Variants in ZDHHC11B observed in about 807,000 individuals in gnomAD.
ZDHHC11B encodes the protein probable palmitoyltransferase ZDHHC11B.
ZDHHC11B carries 17 observed loss-of-function variants against 42.3 expected under a neutral mutation model. That is an observed-to-expected ratio of 0.40 (90% CI 0.27 to 0.60). The LOEUF is 0.60. Ranked by LOEUF, ZDHHC11B falls within the 20% of genes least tolerant of loss-of-function variation. The pLI is 0.41. For synonymous variants in ZDHHC11B, 123 were observed against 193.5 expected, an observed-to-expected ratio of 0.64 and a Z score of 3.02; for missense variants, 262 against 463.2, an observed-to-expected ratio of 0.57 and a Z score of 3.99.
At chr5:760,127 A>T (rs1453866237) in intron 4 of ZDHHC11B, among the ~76,000 whole-genome samples, 1 of 151,798 alleles carries the variant, frequency 6.6e-6, no homozygotes, top group Admixed American at 6.6e-5. Flanking sequence ...GCTCAGAGGC[A>T]CGCGTGGCCG....
At chr5:747,091 A>C (rs1744932451) in intron 8 of ZDHHC11B, among the ~76,000 whole-genome samples, 1 of 91,694 alleles carries the variant, frequency 1.1e-5, no homozygotes, top group Non-Finnish European at 2.3e-5. Context: ...TTGCTAGATA[A>C]TTCTAGAAAG....
intron 4 of ZDHHC11B, among the ~76,000 whole-genome samples, chr5:766,424 G>C (rs1405956641): frequency 1.3e-5 from 2 of 151,904 alleles, no homozygotes; most frequent in Non-Finnish European, 2.9e-5. Context: ...TGTGGGAGCG[G>C]TCTGACATAG....
rs1415199357 is a variant in ZDHHC11B, at chr5:783,869, C to T, written c.-230+799G>A. 4.8e-5 allele frequency among the ~76,000 whole-genome samples: 7 copies of T among 145,204 alleles called. 1 individual carries two copies. The highest frequency in any genetic ancestry group is 1.1e-4 in the Non-Finnish European group (7 of 66,054). ...AAAACAGCAGCCCCCCAAGCCCCAT[C>T]AAGACAGCAGCCCCCCTAAACGCTT... On this transcript the variant is annotated intron_variant, in intron 1 of 13. Coordinates refer to ENST00000508859, the MANE Select transcript of ZDHHC11B (RefSeq NM_001351303.2).
intron 12 of ZDHHC11B, among the ~76,000 whole-genome samples, chr5:724,634 C>T (rs1742433300): frequency 1.5e-5 from 2 of 136,296 alleles, no homozygotes; most frequent in Admixed American, 7.8e-5. Flanking sequence ...CTCGGCCTCC[C>T]CACATGCTCC....
At chr5:778,417 C>A (rs1289341197) in intron 1 of ZDHHC11B, among the ~76,000 whole-genome samples, 2 of 150,382 alleles carry the variant, frequency 1.3e-5, no homozygotes, top group Non-Finnish European at 3.0e-5. Context: ...AAGGGAGGCA[C>A]AATGGGTTAC....
chr5:774,134 C>A (rs1326540592), intron 1 of ZDHHC11B, among the ~76,000 whole-genome samples: 1 of 152,134 alleles, frequency 6.6e-6, no homozygotes, highest in South Asian at 2.1e-4. Flanking sequence ...GGCCCCAACC[C>A]CACAGGCTGT....
In ZDHHC11B at chr5:722,370, A is replaced by G. The variant is rs1336259765; in HGVS notation, c.1059-5505T>C. On this transcript the variant is annotated intron_variant, in intron 12 of 13. Transcript: ENST00000508859. ...ATAAATCAATAAGAAAAGCACAAAG[A>G]GTCCAGTGGAAAAATGGACTAGGGA... Among the ~76,000 whole-genome samples, 2 of 151,646 alleles carry G rather than the reference A, an allele frequency of 1.3e-5. 1 individual carries two copies. Among genetic ancestry groups the G allele is most frequent in the Non-Finnish European group, 2.9e-5 (2 of 67,970 alleles).
At chr5:776,489 G>GA (rs1358177856) in intron 1 of ZDHHC11B, among the ~76,000 whole-genome samples, 2 of 151,934 alleles carry the variant, frequency 1.3e-5, no homozygotes, top group Non-Finnish European at 2.9e-5. Context: ...GGGCTGAGGG[G>GA]AAAGTCTCCA....
intron 11 of ZDHHC11B, among the ~76,000 whole-genome samples, 184 bp from the exon 12 acceptor site, chr5:730,652 A>T (rs1183635930): frequency 6.6e-6 from 1 of 151,744 alleles, no homozygotes; most frequent in African/African-American, 2.4e-5. Flanking sequence ...TCCTTGTATT[A>T]TGGGCTGAAC....
At chr5:714,840 G>A (rs1741628749) in intron 13 of ZDHHC11B, among the ~76,000 whole-genome samples, 1 of 150,782 alleles carries the variant, frequency 6.6e-6, no homozygotes, top group Non-Finnish European at 1.5e-5. Context: ...GTGTCATGGG[G>A]CTGGACCCCC....
intron 6 of ZDHHC11B, among the ~76,000 whole-genome samples, chr5:754,541 A>T (rs1329268694): frequency 9.4e-6 from 1 of 105,848 alleles, no homozygotes; most frequent in African/African-American, 3.3e-5. Context: ...CCTCTCGTCT[A>T]TGAGCCTCCA....
intron 4 of ZDHHC11B, among the ~76,000 whole-genome samples, chr5:756,371 C>G (rs1254241230): frequency 6.6e-6 from 1 of 151,626 alleles, no homozygotes; most frequent in Non-Finnish European, 1.5e-5. Flanking sequence ...CAGCCCTGCT[C>G]ACCCAGCCCC....
rs1267838781 is a variant in ZDHHC11B, at chr5:710,740, C to T, written c.*1550G>A. The T allele has an allele frequency of 6.6e-6, 1 of 151,020 alleles. No individual in the cohort carries two copies. The highest frequency in any genetic ancestry group is 2.5e-5 in the African/African-American group (1 of 39,884). 9.4% of individuals were successfully genotyped at this position (151,020 alleles called of 1,614,324 possible). A position where few individuals can be genotyped will look rare whatever the true frequency, so the allele number is the denominator to read the frequency against. ...TTCCCAGTACTGTGCTCCCATTTCC[C>T]AATGCTATGCTCCATTTCCCAGTGC... On this transcript the variant is annotated 3_prime_UTR_variant, in exon 14 of 14. Coordinates refer to ENST00000508859, the MANE Select transcript of ZDHHC11B (RefSeq NM_001351303.2).
intron 6 of ZDHHC11B, among the ~76,000 whole-genome samples, chr5:754,546 C>T (rs1437742513): frequency 1.9e-4 from 24 of 128,020 alleles, no homozygotes; most frequent in Admixed American, 4.4e-4. Flanking sequence ...CGTCTATGAG[C>T]CTCCACCGTG....
intron 9 of ZDHHC11B, among the ~76,000 whole-genome samples, chr5:744,870 C>CA (rs375791362): frequency 9.0e-4 from 117 of 129,760 alleles, no homozygotes; most frequent in East Asian, 1.4e-3. Context: ...GACTCTGTCT[C>CA]AAAAAAAAAA....
chr5:773,553 A>G (rs1736226721), intron 1 of ZDHHC11B, among the ~76,000 whole-genome samples: 1 of 151,680 alleles, frequency 6.6e-6, no homozygotes, highest in Admixed American at 6.6e-5. Context: ...TGTGCCCACC[A>G]TCTCAGCTGT....
intron 1 of ZDHHC11B, among the ~76,000 whole-genome samples, chr5:771,272 A>G (rs1197950465): frequency 6.6e-6 from 1 of 151,542 alleles, no homozygotes; most frequent in East Asian, 1.9e-4. Flanking sequence ...TGAACTTGAG[A>G]TCCCACAAAT....
chr5:772,046 G>A, intron 1 of ZDHHC11B, among the ~76,000 whole-genome samples: 1 of 152,040 alleles, frequency 6.6e-6, no homozygotes. Flanking sequence ...AAAACGTCCT[G>A]CCCTCGTGAG....
intron 1 of ZDHHC11B, among the ~76,000 whole-genome samples, chr5:778,146 A>G (rs1313869463): frequency 6.6e-6 from 1 of 151,880 alleles, no homozygotes; most frequent in Non-Finnish European, 1.5e-5. Flanking sequence ...TCCAAGGCCC[A>G]AGTGAGAATT....
Sources: allele counts gnomAD v4.1 joint callset (sites outside exome capture counted in the v4.1 genomes callset), GRCh38; gene constraint gnomAD v4.1.1; transcripts MANE v1.5; gene names NCBI Gene and HGNC (gene_info 2026-07-23, HGNC 2026-07-21).